The following TBC1D32 variants were observed in gnomAD, a reference collection of about 807,000 sequenced individuals.
TBC1D32 encodes the protein protein broad-minded.
Under a neutral mutation model 170.3 loss-of-function variants are expected in TBC1D32, and 151 were observed. The ratio of observed to expected loss-of-function variants is 0.89; its 90% CI spans 0.78 to 1.01. The LOEUF is 1.01. Ranked by LOEUF, TBC1D32 falls within the 50% of genes least tolerant of loss-of-function variation. The pLI is 0.00. For synonymous variants in TBC1D32, 498 were observed against 488.0 expected, an observed-to-expected ratio of 1.02 and a Z score of -0.27; for missense variants, 1,464 against 1,457.1, an observed-to-expected ratio of 1.00 and a Z score of -0.08.
chr6:121,170,765 T>C (rs1786871200), intron 22 of TBC1D32, among the ~76,000 whole-genome samples: 2 of 152,064 alleles, frequency 1.3e-5, no homozygotes, highest in African/African-American at 4.8e-5. Flanking sequence ...TTAAAATGTA[T>C]CTAAATCTAC....
At chr6:121,152,365 T>A (rs987880012) in intron 24 of TBC1D32, among the ~76,000 whole-genome samples, 5 of 152,166 alleles carry the variant, frequency 3.3e-5, no homozygotes, top group Admixed American at 3.3e-4. Context: ...TGCAGAGAGA[T>A]CTGCTGTTAG....
intron 17 of TBC1D32, among the ~76,000 whole-genome samples, chr6:121,251,886 C>T (rs575664137): frequency 6.6e-6 from 1 of 152,210 alleles, no homozygotes; most frequent in African/African-American, 2.4e-5. Flanking sequence ...AAAAAGTGGG[C>T]AAAGGATATG....
chr6:121,138,994 G>A (rs1782464912), intron 24 of TBC1D32, among the ~76,000 whole-genome samples: 2 of 151,868 alleles, frequency 1.3e-5, no homozygotes, highest in Admixed American at 1.3e-4. Flanking sequence ...ACAGGCACCC[G>A]CCACCACGCC....
intron 8 of TBC1D32, 23 bp from the exon 9 acceptor site, chr6:121,303,784 A>G: frequency 6.8e-7 from 1 of 1,479,146 alleles, no homozygotes; most frequent in Non-Finnish European, 9.2e-7. Context: ...GAAAAAAGAA[A>G]TACAATTACA....
intron 12 of TBC1D32, among the ~76,000 whole-genome samples, chr6:121,291,358 A>C (rs1322573397): frequency 6.6e-6 from 1 of 152,006 alleles, no homozygotes; most frequent in African/African-American, 2.4e-5. Flanking sequence ...TTTTTTGTAC[A>C]CACACAGAGA....
At position 121,294,611 on chromosome 6, in the gene TBC1D32, G is replaced by A. The variant is rs199684963; in HGVS notation, c.1190C>T (p.Thr397Ile). The A allele has an allele frequency of 1.1e-4, 180 of 1,612,418 alleles. No homozygotes were observed. Among genetic ancestry groups the A allele is most frequent in the Non-Finnish European group, 1.4e-4 (169 of 1,179,380 alleles). The change falls in exon 11 of 32, where the codon ACT becomes ATT. Residue 397 changes from threonine to isoleucine, a missense_variant. Around this residue, in one of 3 missense-constraint regions of TBC1D32, gnomAD observed 1,363 missense variants for 1,338.1 expected, o/e 1.02. Transcript: ENST00000398212. ...QCVQYFEMCK[T>I]RKADETLGHS... ...TCCCAAAGTTTCATCAGCTTTCCTA[G>A]TCTTACACATTTCAAAGTACTGAAC...
At position 121,153,188 on chromosome 6, in the gene TBC1D32, G is replaced by A. The variant is rs556023462; in HGVS notation, c.2773+6822C>T. Among the ~76,000 whole-genome samples, 408 of 152,024 alleles carry A rather than the reference G, an allele frequency of 2.7e-3. 3 individuals are homozygous for A. Among genetic ancestry groups the A allele is most frequent in the African/African-American group, 9.3e-3 (388 of 41,502 alleles). Reference sequence around the variant, plus strand: ...GGTGACCTTGGGATGGAGTTTTTGCGTGGTCCTTCTTGATGTTGATGCCAT... The same window carrying A: ...GGTGACCTTGGGATGGAGTTTTTGCATGGTCCTTCTTGATGTTGATGCCAT... On this transcript the variant is annotated intron_variant, in intron 24 of 31. Transcript: ENST00000398212.
chr6:121,182,996 T>C (rs943467695), intron 22 of TBC1D32, among the ~76,000 whole-genome samples: 3 of 151,638 alleles, frequency 2.0e-5, no homozygotes, highest in Non-Finnish European at 4.4e-5. Context: ...CAACAGTATA[T>C]TAACAGGGAA....
rs554589808 is a variant in TBC1D32, at chr6:121,284,190, T to C, written c.1373-280A>G. On this transcript the variant is annotated intron_variant, in intron 12 of 31. Coordinates refer to ENST00000398212, the MANE Select transcript of TBC1D32 (RefSeq NM_152730.6). ...AAGATAAACCTATGCTAGGAAGATG[T>C]ATGAATCTGATTAAGGCTATTTGAG... is the stretch of plus-strand genomic sequence containing the variant. 8.7e-4 allele frequency among the ~76,000 whole-genome samples: 132 copies of C among 152,178 alleles called. 2 individuals are homozygous for C. Among genetic ancestry groups the C allele is most frequent in the Admixed American group, 8.6e-3 (132 of 15,274 alleles).
At chr6:121,291,846 T>TAA (rs552821046) in intron 12 of TBC1D32, among the ~76,000 whole-genome samples, 12 of 150,288 alleles carry the variant, frequency 8.0e-5, no homozygotes, top group Admixed American at 6.6e-4. Context: ...GAAGGAATAA[T>TAA]AATAAAAAAA....
chr6:121,080,908 G>T lies in TBC1D32; in HGVS notation c.3655-18C>A. On this transcript the variant is annotated intron_variant, in intron 31 of 31. Transcript: ENST00000398212. ...GCTTCTTCCTGCCAAAAATTACAAAGGGAAAATTATTTACTTGAGTAAGAC... is the reference window on the plus strand; with the variant it reads ...GCTTCTTCCTGCCAAAAATTACAAATGGAAAATTATTTACTTGAGTAAGAC... 1 of 1,603,258 alleles carries T rather than the reference G, an allele frequency of 6.2e-7. No homozygotes were observed. Among genetic ancestry groups the T allele is most frequent in the South Asian group, 1.1e-5 (1 of 88,742 alleles).
At chr6:121,318,302 C>T (rs775053415) in intron 2 of TBC1D32, among the ~76,000 whole-genome samples, 8 of 151,988 alleles carry the variant, frequency 5.3e-5, no homozygotes, top group East Asian at 1.9e-4. Flanking sequence ...AAATCTCTTT[C>T]GGAAGGTCTA....
At chr6:121,187,242 C>T (rs1789321447) in intron 22 of TBC1D32, among the ~76,000 whole-genome samples, 1 of 151,994 alleles carries the variant, frequency 6.6e-6, no homozygotes, top group African/African-American at 2.4e-5. Flanking sequence ...CAAAACCCTC[C>T]AATGTTCTGC....
chr6:121,303,977 CAGATTATCTTACAACTT>C (rs1270440137), intron 8 of TBC1D32, among the ~76,000 whole-genome samples: 2 of 151,874 alleles, frequency 1.3e-5, no homozygotes, highest in African/African-American at 4.8e-5. Flanking sequence ...TTCAGACTCA[CAGATTATCTTACAACTT>C]AGTATAAATT....
intron 22 of TBC1D32, among the ~76,000 whole-genome samples, chr6:121,185,162 A>C (rs1789027205): frequency 6.6e-6 from 1 of 152,056 alleles, no homozygotes; most frequent in African/African-American, 2.4e-5. Flanking sequence ...GTAAATGAGT[A>C]GATATGCTAC....
At position 121,215,509 on chromosome 6, in the gene TBC1D32, A is replaced by G. The variant is rs547624065; in HGVS notation, c.2481+7727T>C. Among the ~76,000 whole-genome samples the G allele has an allele frequency of 3.9e-5, 6 of 152,330 alleles. No individual in the cohort carries two copies. In the South Asian group the frequency reaches 1.2e-3, roughly 32 times the overall value. On this transcript the variant is annotated intron_variant, in intron 21 of 31. Coordinates refer to ENST00000398212, the MANE Select transcript of TBC1D32 (RefSeq NM_152730.6). ...TTGCGACAAGAGCAAAAATTCACAA[A>G]TGGGATCTAATTAACTTTAAGTGCT...
chr6:121,297,984 CT>C (rs955809255), intron 10 of TBC1D32, among the ~76,000 whole-genome samples: 1 of 151,974 alleles, frequency 6.6e-6, no homozygotes, highest in Non-Finnish European at 1.5e-5. Flanking sequence ...ACAAGAATCT[CT>C]TTTAGAACAG....
At chr6:121,205,888 A>G (rs1792190522) in intron 21 of TBC1D32, among the ~76,000 whole-genome samples, 1 of 152,170 alleles carries the variant, frequency 6.6e-6, no homozygotes, top group African/African-American at 2.4e-5. Flanking sequence ...TGACAATTTT[A>G]GCCAACCACA....
chr6:121,256,025 G>A, intron 16 of TBC1D32, 59 bp downstream of exon 16: 1 of 1,413,856 alleles, frequency 7.1e-7, no homozygotes. Context: ...CACTATAATG[G>A]TGCTTATATT....
Sources: gnomAD v4.1 joint callset for allele counts (sites outside exome capture counted in the v4.1 genomes callset) on GRCh38, gnomAD v4.1.1 for gene constraint, gnomAD v4.1.1 regional missense constraint, MANE v1.5 for transcripts, NCBI Gene and HGNC (gene_info 2026-07-23, HGNC 2026-07-21) for gene names.